Variants in TRAF3IP2 observed in about 807,000 individuals in gnomAD.
The protein encoded by TRAF3IP2 is TRAF3 interacting protein 2.
A neutral mutation model predicts 57.9 loss-of-function variants in TRAF3IP2; 35 were observed. That is an observed-to-expected ratio of 0.60 (90% CI 0.46 to 0.80). The LOEUF is 0.80. TRAF3IP2 is among the 30% of genes least tolerant of loss of function. The pLI is 0.00. For synonymous variants in TRAF3IP2, 251 were observed against 268.9 expected (o/e 0.93, Z 0.65); for missense variants, 556 against 706.4 (o/e 0.79, Z 2.41).
intron 1 of TRAF3IP2, among the ~76,000 whole-genome samples, chr6:111,603,130 TAC>T (rs532484977): frequency 7.3e-4 from 111 of 152,152 alleles, no homozygotes; most frequent in African/African-American, 2.5e-3. Flanking sequence ...CACACACAGC[TAC>T]AGAGTGAGCT....
chr6:111,590,881 GGAA>G (rs1796489454), intron 2 of TRAF3IP2, among the ~76,000 whole-genome samples: 1 of 152,078 alleles, frequency 6.6e-6, no homozygotes, highest in Non-Finnish European at 1.5e-5. Context: ...TCTAAGATGG[GGAA>G]GAAAGATGAC....
At chr6:111,599,430 TCAG>T (rs1219401604) in intron 1 of TRAF3IP2, among the ~76,000 whole-genome samples, 2 of 152,226 alleles carry the variant, frequency 1.3e-5, no homozygotes, top group Non-Finnish European at 2.9e-5. Flanking sequence ...CATCCAGATG[TCAG>T]CAGCCCTGAT....
rs1283638995 is a variant in TRAF3IP2, at chr6:111,555,633, C to A, written c.*3772G>T. ...CTAACCTTGCATTCCACAAACCCAC[C>A]CCTCAAATCGGTGTAAGTCTGAATA... On this transcript the variant is annotated 3_prime_UTR_variant, in exon 9 of 9. Coordinates refer to ENST00000368761, the MANE Select transcript of TRAF3IP2 (RefSeq NM_147686.4). 1.3e-5 allele frequency among the ~76,000 whole-genome samples: 2 copies of A among 152,064 alleles called. No homozygotes were observed. Among genetic ancestry groups the A allele is most frequent in the African/African-American group, 2.4e-5 (1 of 41,394 alleles).
At chr6:111,595,058 C>T (rs1385267941) in intron 1 of TRAF3IP2, among the ~76,000 whole-genome samples, 1 of 152,148 alleles carries the variant, frequency 6.6e-6, no homozygotes, top group African/African-American at 2.4e-5. Flanking sequence ...ATGGTGAAAC[C>T]CTGTCTCTAC....
At chr6:111,563,525 C>T (rs1423799698) in intron 7 of TRAF3IP2, among the ~76,000 whole-genome samples, 4 of 152,146 alleles carry the variant, frequency 2.6e-5, no homozygotes, top group Non-Finnish European at 5.9e-5. Flanking sequence ...AGGGAAATTA[C>T]CAACCAGAGT....
intron 2 of TRAF3IP2, among the ~76,000 whole-genome samples, chr6:111,589,661 C>T (rs1256763566): frequency 6.6e-6 from 1 of 152,156 alleles, no homozygotes; most frequent in Non-Finnish European, 1.5e-5. Flanking sequence ...CAGCCCAAGG[C>T]CCCATTCTCC....
chr6:111,602,114 A>G (rs1796885841), intron 1 of TRAF3IP2: 2 of 152,258 alleles, frequency 1.3e-5, no homozygotes, highest in Admixed American at 1.3e-4. Flanking sequence ...GCCCTTGGAC[A>G]TAAACCCAGC....
chr6:111,602,475 A>AAAGG (rs1420239579), intron 1 of TRAF3IP2, among the ~76,000 whole-genome samples: 1 of 152,126 alleles, frequency 6.6e-6, no homozygotes, highest in Non-Finnish European at 1.5e-5. Flanking sequence ...GAAGGGAGAG[A>AAAGG]AAGGAAGGAA....
intron 7 of TRAF3IP2, chr6:111,565,208 G>A (rs1156626511): frequency 6.6e-6 from 1 of 152,174 alleles, no homozygotes; most frequent in African/African-American, 2.4e-5. Context: ...CTCAGATGGG[G>A]AATACCCACC....
chr6:111,600,525 C>A (rs1230016368), intron 1 of TRAF3IP2: 6 of 152,228 alleles, frequency 3.9e-5, no homozygotes, highest in Admixed American at 3.9e-4. Flanking sequence ...TTCCATTAAA[C>A]CATATAAATC....
In TRAF3IP2 at chr6:111,558,076, T is replaced by C. The variant is rs1795306561; in HGVS notation, c.*1329A>G. ...GTTAAGAAAATGTAAATTTGTCCTCTGAGAGACATAATTATGAAAATGAAA... is the reference window on the plus strand; with the variant it reads ...GTTAAGAAAATGTAAATTTGTCCTCCGAGAGACATAATTATGAAAATGAAA... On this transcript the variant is annotated 3_prime_UTR_variant, in exon 9 of 9. Transcript: ENST00000368761. 6.6e-6 allele frequency: 1 copy of C among 152,166 alleles called. No homozygotes were observed. The highest frequency in any genetic ancestry group is 2.1e-4 in the South Asian group (1 of 4,832). The allele number at this position is 152,166 out of a possible 1,614,324, so 9.4% of individuals were successfully genotyped here.
At chr6:111,563,925 G>C (rs1041267119) in intron 7 of TRAF3IP2, among the ~76,000 whole-genome samples, 2 of 152,184 alleles carry the variant, frequency 1.3e-5, no homozygotes, top group Non-Finnish European at 2.9e-5. Flanking sequence ...TTCAATAGGA[G>C]GGGAGTTAGA....
intron 2 of TRAF3IP2, among the ~76,000 whole-genome samples, chr6:111,583,099 A>G (rs1160912447): frequency 1.3e-5 from 2 of 152,180 alleles, no homozygotes; most frequent in African/African-American, 4.8e-5. Flanking sequence ...TTTACCTGTC[A>G]ACTTCTTGCC....
In TRAF3IP2 at chr6:111,558,836, T is replaced by C. The variant is rs1383654629; in HGVS notation, c.*569A>G. On this transcript the variant is annotated 3_prime_UTR_variant, in exon 9 of 9. Transcript: ENST00000368761. ...ATTAATACAGAGTGGTCTGTTATAT[T>C]TATCTAATATTATATCTAAGCAGCT... is the stretch of plus-strand genomic sequence containing the variant. 6.6e-6 allele frequency: 1 copy of C among 152,248 alleles called. No homozygotes were observed. The highest frequency in any genetic ancestry group is 1.5e-5 in the Non-Finnish European group (1 of 68,064). 9.4% of individuals were successfully genotyped at this position (152,248 alleles called of 1,614,324 possible). A position where few individuals can be genotyped will look rare whatever the true frequency, so the allele number is the denominator to read the frequency against.
intron 6 of TRAF3IP2, chr6:111,566,979 A>AC: frequency 3.5e-6 from 1 of 285,160 alleles, no homozygotes; most frequent in Non-Finnish European, 6.7e-6. Context: ...ACACATTAGC[A>AC]CAGTCAGTAG....
At position 111,603,393 on chromosome 6, in the gene TRAF3IP2, C is replaced by G. The variant is rs558857134; in HGVS notation, c.-9+2383G>C. Among the ~76,000 whole-genome samples, 8 of 152,272 alleles carry G rather than the reference C, an allele frequency of 5.3e-5. No homozygotes were observed. The South Asian group carries it at 8.3e-4, about 16-fold the overall frequency. ...GGAAATGTGATCAAACATTAGGGGTCATTTCATTGGATCTGAAAGGAATTT... is the reference window on the plus strand; with the variant it reads ...GGAAATGTGATCAAACATTAGGGGTGATTTCATTGGATCTGAAAGGAATTT... On this transcript the variant is annotated intron_variant, in intron 1 of 8. Coordinates refer to ENST00000368761, the MANE Select transcript of TRAF3IP2 (RefSeq NM_147686.4).
Position 111,575,761 on chromosome 6 carries a change from G to T in TRAF3IP2, c.1083C>A (p.Cys361Ter). The T allele has an allele frequency of 6.2e-7, 1 of 1,611,462 alleles. No homozygotes were observed. The highest frequency in any genetic ancestry group is 8.5e-7 in the Non-Finnish European group (1 of 1,179,178). The part of the protein sequence containing the change: ...RAGAPGESLE[C>*]PAELRPQVPQ... ...GAACCTGTGGTCTCAGCTCTGCAGG[G>T]CACTCCAAGGACTCCCCAGGAGCAC... The change falls in exon 4 of 9, where the codon TGC (cysteine) becomes TGA (stop). Residue 361 changes from cysteine (C) to a stop codon, truncating the protein, a stop_gained. Transcript: ENST00000368761. LOFTEE classifies it high-confidence loss of function.
At chr6:111,595,903 C>T (rs968962830) in intron 1 of TRAF3IP2, among the ~76,000 whole-genome samples, 1 of 152,040 alleles carries the variant, frequency 6.6e-6, no homozygotes, top group African/African-American at 2.4e-5. Flanking sequence ...AACATTCTTC[C>T]TACCTTCAAG....
intron 2 of TRAF3IP2, among the ~76,000 whole-genome samples, chr6:111,585,772 A>T (rs1796309557): frequency 6.6e-6 from 1 of 152,208 alleles, no homozygotes; most frequent in African/African-American, 2.4e-5. Context: ...CTAGCATGGT[A>T]ACTCCTCAGT....
Sources: allele counts gnomAD v4.1 joint callset (sites outside exome capture counted in the v4.1 genomes callset), GRCh38; gene constraint gnomAD v4.1.1; transcripts MANE v1.5; gene names NCBI Gene and HGNC (gene_info 2026-07-23, HGNC 2026-07-21).